MACF1: variants seen among roughly 807,000 people sequenced by gnomAD.
MACF1 encodes microtubule actin crosslinking factor 1.
Under a neutral mutation model 854.8 loss-of-function variants are expected in MACF1, and 193 were observed. The observed-to-expected ratio is 0.23, with a 90% CI of 0.20 to 0.25. The LOEUF (loss-of-function observed/expected upper bound fraction) is 0.25, where lower values mean the gene tolerates loss of function less well. Ranked by LOEUF, MACF1 falls within the 10% of genes least tolerant of loss-of-function variation. The probability of loss-of-function intolerance (pLI) is 1.00; values close to 1 mark genes in which losing one functional copy is unlikely to be tolerated. For synonymous variants in MACF1, 3,185 were observed against 3,226.7 expected (o/e 0.99, Z 0.44); for missense variants, 7,722 against 8,929.1 (o/e 0.86, Z 5.45).
intron 2 of MACF1, among the ~76,000 whole-genome samples, chr1:39,127,600 T>C (rs1642891801): frequency 6.6e-6 from 1 of 152,206 alleles, no homozygotes; most frequent in African/African-American, 2.4e-5. Flanking sequence ...CTCCAGCTCT[T>C]AACTCAGTAT....
intron 15 of MACF1, 92 bp from the exon 16 acceptor site, chr1:39,291,818 A>AC (rs1183626251): frequency 3.7e-6 from 5 of 1,349,846 alleles, no homozygotes; most frequent in Non-Finnish European, 5.0e-6. Flanking sequence ...TCAGTCCTCT[A>AC]CCCCTTGGTT....
intron 2 of MACF1, among the ~76,000 whole-genome samples, chr1:39,087,150 G>T (rs1048371126): frequency 1.3e-5 from 2 of 152,328 alleles, no homozygotes; most frequent in Middle Eastern, 3.4e-3. Flanking sequence ...GACCCTGGAT[G>T]CTCTGAAGCT....
At chr1:39,194,178 T>C (rs1187541916) in intron 2 of MACF1, among the ~76,000 whole-genome samples, 3 of 152,116 alleles carry the variant, frequency 2.0e-5, no homozygotes, top group Non-Finnish European at 4.4e-5. Flanking sequence ...TCTCACTTTA[T>C]TTTCTGCCCC....
chr1:39,416,508 A>T (rs1056708259), intron 58 of MACF1, among the ~76,000 whole-genome samples: 2 of 151,450 alleles, frequency 1.3e-5, no homozygotes, highest in Non-Finnish European at 2.9e-5. Context: ...AAAAAAAAAC[A>T]GAATATCTCC....
chr1:39,258,115 C>T, intron 6 of MACF1, 87 bp downstream of exon 6: 2 of 1,016,022 alleles, frequency 2.0e-6, no homozygotes, highest in Non-Finnish European at 3.1e-6. Context: ...AGCATTGAGC[C>T]TTCCTTCTCT....
At chr1:39,360,147 A>G (rs1273479274) in intron 47 of MACF1, among the ~76,000 whole-genome samples, 3 of 148,966 alleles carry the variant, frequency 2.0e-5, no homozygotes, top group South Asian at 4.3e-4. Flanking sequence ...AGTATATTTT[A>G]AGTGTTTTCA....
chr1:39,264,840 A>C (rs1645212051), intron 6 of MACF1, among the ~76,000 whole-genome samples: 1 of 148,306 alleles, frequency 6.7e-6, no homozygotes, highest in South Asian at 2.2e-4. Flanking sequence ...CGCCCGGCTA[A>C]TTTTTTGTAT....
intron 2 of MACF1, among the ~76,000 whole-genome samples, chr1:39,139,237 T>G (rs1375969823): frequency 1.3e-5 from 2 of 152,116 alleles, no homozygotes; most frequent in Non-Finnish European, 2.9e-5. Flanking sequence ...GGGGGGAAAT[T>G]GAACAGATTT....
intron 58 of MACF1, among the ~76,000 whole-genome samples, chr1:39,408,126 G>A (rs1642787154): frequency 6.6e-6 from 1 of 152,126 alleles, no homozygotes; most frequent in Non-Finnish European, 1.5e-5. Flanking sequence ...AGGTTTCCTT[G>A]GCTGTGCGCA....
chr1:39,337,702 G>A (rs939284163), intron 38 of MACF1, among the ~76,000 whole-genome samples: 1 of 150,846 alleles, frequency 6.6e-6, no homozygotes, highest in South Asian at 2.1e-4. Context: ...GAATAGCTGC[G>A]ACTATAGGCA....
At chr1:39,390,448 G>A (rs566293798) in intron 58 of MACF1, among the ~76,000 whole-genome samples, 6 of 152,280 alleles carry the variant, frequency 3.9e-5, no homozygotes, top group Non-Finnish European at 8.8e-5. Flanking sequence ...CACTAAAGTG[G>A]GACATTGGCT....
At chr1:39,288,941 C>T (rs1394041645) in intron 15 of MACF1, among the ~76,000 whole-genome samples, 2 of 152,204 alleles carry the variant, frequency 1.3e-5, no homozygotes, top group African/African-American at 4.8e-5. Flanking sequence ...TAATACTCTT[C>T]CCAGCCTGTT....
At chr1:39,251,717 T>C in intron 3 of MACF1, 129 bp from the exon 4 acceptor site, 1 of 451,164 alleles carries the variant, frequency 2.2e-6, no homozygotes, top group Non-Finnish European at 3.7e-6. Context: ...TGTATCTTTT[T>C]CGGAGGTGGG....
intron 2 of MACF1, among the ~76,000 whole-genome samples, chr1:39,171,213 GTGTGTGTGTGTGTGTA>G (rs1643944226): frequency 6.6e-6 from 1 of 151,600 alleles, no homozygotes. Context: ...TTGTGTGTGT[GTGTGTGTGTGTGTGTA>G]TGTGTGTGTG....
At chr1:39,138,477 C>G (rs369123352) in intron 2 of MACF1, among the ~76,000 whole-genome samples, 21 of 150,592 alleles carry the variant, frequency 1.4e-4, no homozygotes, top group African/African-American at 5.1e-4. Context: ...CCCAGCTACT[C>G]TGGAGGCTGA....
At chr1:39,352,540 C>G (rs1420527366) in intron 43 of MACF1, among the ~76,000 whole-genome samples, 1 of 152,140 alleles carries the variant, frequency 6.6e-6, no homozygotes, top group East Asian at 1.9e-4. Flanking sequence ...TGTTTTGAGA[C>G]AGAGTATTGC....
At chr1:39,146,545 C>T (rs941365867) in intron 2 of MACF1, among the ~76,000 whole-genome samples, 3 of 151,602 alleles carry the variant, frequency 2.0e-5, no homozygotes, top group Admixed American at 6.6e-5. Flanking sequence ...TCATTTACAA[C>T]AACATGGATG....
Position 39,334,475 on chromosome 1 carries a change from C to T in MACF1, c.7887C>T (p.Tyr2629=). The change falls in exon 37 of 101, where the codon TAC becomes TAT. Residue 2629 remains tyrosine (Y), a synonymous_variant. Transcript: ENST00000564288. ...VDPENCRIVP[Y]SELVKKCKID... is the part of the protein sequence containing the mutation. ...CCGAGAACTGCAGAATTGTCCCCTA[C>T]TCAGAATTAGTCAAGAAATGTAAGA... 1 of 1,614,044 alleles carries T rather than the reference C, an allele frequency of 6.2e-7. No homozygotes were observed. Among genetic ancestry groups the T allele is most frequent in the Non-Finnish European group, 8.5e-7 (1 of 1,179,976 alleles).
chr1:39,393,782 G>A (rs539386696), intron 58 of MACF1, among the ~76,000 whole-genome samples: 11 of 148,052 alleles, frequency 7.4e-5, no homozygotes, highest in South Asian at 4.3e-4. Flanking sequence ...GCAGTCCAGC[G>A]TGTAACAGAG....
Sources: gnomAD v4.1 joint callset for allele counts (sites outside exome capture counted in the v4.1 genomes callset) on GRCh38, gnomAD v4.1.1 for gene constraint, MANE v1.5 for transcripts, NCBI Gene and HGNC (gene_info 2026-07-23, HGNC 2026-07-21) for gene names.